Variants in PRPF18 observed in about 807,000 individuals in gnomAD.
PRPF18 encodes the protein pre-mRNA-splicing factor 18.
A neutral mutation model predicts 46.5 loss-of-function variants in PRPF18; 38 were observed. The ratio of observed to expected loss-of-function variants is 0.82; its 90% confidence interval spans 0.63 to 1.07. The LOEUF is 1.07. PRPF18 is among the 50% of genes least tolerant of loss of function. PRPF18 has a pLI of 0.00. For missense variants in PRPF18, 263 were observed against 410.0 expected (o/e 0.64, Z 3.10); for synonymous variants, 152 against 146.7 (o/e 1.04, Z -0.26).
At chr10:13,628,904 C>G (rs1269570960) in intron 9 of PRPF18, among the ~76,000 whole-genome samples, 1 of 152,166 alleles carries the variant, frequency 6.6e-6, no homozygotes, top group Non-Finnish European at 1.5e-5. Flanking sequence ...TCTCAGGTCT[C>G]TGCCCTTGCC....
chr10:13,615,141 G>T (rs1051591524), intron 8 of PRPF18, among the ~76,000 whole-genome samples: 7 of 152,334 alleles, frequency 4.6e-5, no homozygotes, highest in Admixed American at 4.6e-4. Flanking sequence ...TCAGTTGCAT[G>T]ATTCTTACTA....
At chr10:13,615,149 C>T (rs890304924) in intron 8 of PRPF18, among the ~76,000 whole-genome samples, 3 of 152,204 alleles carry the variant, frequency 2.0e-5, no homozygotes, top group African/African-American at 7.2e-5. Flanking sequence ...ATGATTCTTA[C>T]TAAGGATGGT....
chr10:13,623,521 T>C (rs2080451174), intron 9 of PRPF18, among the ~76,000 whole-genome samples: 1 of 152,244 alleles, frequency 6.6e-6, no homozygotes, highest in Admixed American at 6.5e-5. Context: ...ATTTGTGCTT[T>C]CCTCTTTAAG....
Position 13,630,540 on chromosome 10 carries a change from G to T in PRPF18, c.*200G>T. On this transcript the variant is annotated 3_prime_UTR_variant, in exon 10 of 10. Coordinates refer to ENST00000378572, the MANE Select transcript of PRPF18 (RefSeq NM_003675.4). ...GACTGCAAGCTGATTTTTCTTTCTTGCTTTCATTTTAATTAGTCCAAAATT... is the reference window on the plus strand; with the variant it reads ...GACTGCAAGCTGATTTTTCTTTCTTTCTTTCATTTTAATTAGTCCAAAATT... 2.7e-6 allele frequency: 1 copy of T among 371,020 alleles called. No individual in the cohort carries two copies. 23.0% of individuals were successfully genotyped at this position (371,020 alleles called of 1,614,324 possible).
chr10:13,628,927 C>T (rs1042384639), intron 9 of PRPF18, among the ~76,000 whole-genome samples: 3 of 152,086 alleles, frequency 2.0e-5, no homozygotes, highest in Admixed American at 6.6e-5. Flanking sequence ...GGCCTGTTTG[C>T]GCACGGTATT....
At chr10:13,654,207 C>CACAG in the PRPF18 span, 1 of 597,272 alleles carries the variant, frequency 1.7e-6, no homozygotes, top group Non-Finnish European at 3.0e-6. Context: ...TTTAAGAGAA[C>CACAG]ACAGACAATT....
At chr10:13,590,781 T>C (rs2079949943) in intron 1 of PRPF18, among the ~76,000 whole-genome samples, 1 of 152,180 alleles carries the variant, frequency 6.6e-6, no homozygotes, top group Non-Finnish European at 1.5e-5. Flanking sequence ...TATAGGATTA[T>C]GCAGCTAGCA....
chr10:13,652,680 C>T, the PRPF18 span, among the ~76,000 whole-genome samples: 19 of 152,186 alleles, frequency 1.2e-4, no homozygotes, highest in African/African-American at 4.1e-4. Context: ...CACAGGAACA[C>T]CGAGCTGGGG....
At chr10:13,636,094 G>T in the PRPF18 span, among the ~76,000 whole-genome samples, 1 of 152,174 alleles carries the variant, frequency 6.6e-6, no homozygotes, top group African/African-American at 2.4e-5. Context: ...ATTAAACAAG[G>T]TATTACAAAA....
intron 1 of PRPF18, among the ~76,000 whole-genome samples, chr10:13,593,160 T>A (rs906633325): frequency 6.6e-6 from 1 of 152,094 alleles, no homozygotes; most frequent in African/African-American, 2.4e-5. Context: ...TGGGAGACAT[T>A]GGAAAATAAA....
At chr10:13,646,967 C>T in the PRPF18 span, 1 of 984,360 alleles carries the variant, frequency 1.0e-6, no homozygotes, top group Non-Finnish European at 1.2e-6. Context: ...TTTTTCCTGC[C>T]CGTACCACTG....
At chr10:13,652,993 A>C in the PRPF18 span, 3 of 151,766 alleles carry the variant, frequency 2.0e-5, no homozygotes, top group East Asian at 5.8e-4. Flanking sequence ...AGCTCCCTCC[A>C]GCTGTCAGAC....
chr10:13,620,519 G>A (rs2080407105), intron 9 of PRPF18, among the ~76,000 whole-genome samples: 1 of 152,234 alleles, frequency 6.6e-6, no homozygotes, highest in East Asian at 1.9e-4. Flanking sequence ...TGTATATCAA[G>A]CTGTAAAACA....
chr10:13,640,298 AGTT>A, the PRPF18 span: 2 of 151,946 alleles, frequency 1.3e-5, no homozygotes, highest in African/African-American at 2.4e-5. Flanking sequence ...ATCTGTTGAC[AGTT>A]GTTTGTTCAA....
At chr10:13,626,241 C>G (rs1420624447) in intron 9 of PRPF18, among the ~76,000 whole-genome samples, 3 of 152,108 alleles carry the variant, frequency 2.0e-5, no homozygotes, top group African/African-American at 7.2e-5. Context: ...GGTAGCAGTA[C>G]AAGTGGGTCC....
intron 2 of PRPF18, among the ~76,000 whole-genome samples, chr10:13,598,627 T>G (rs1480489314): frequency 6.6e-6 from 1 of 152,234 alleles, no homozygotes; most frequent in Non-Finnish European, 1.5e-5. Flanking sequence ...TGGGAAAGTT[T>G]AAACTTGTAT....
At position 13,630,584 on chromosome 10, in the gene PRPF18, C is replaced by G. The variant is rs1039013241; in HGVS notation, c.*244C>G. ...CAAAATTAAGTTTTAAAGATTTTTC[C>G]TCACAATTTAAATCCATAGACAACA... On this transcript the variant is annotated 3_prime_UTR_variant, in exon 10 of 10. Coordinates refer to ENST00000378572, the MANE Select transcript of PRPF18 (RefSeq NM_003675.4). The G allele has an allele frequency of 4.3e-5, 12 of 281,020 alleles. No homozygotes were observed. The highest frequency in any genetic ancestry group is 2.6e-4 in the African/African-American group (12 of 45,572). The allele number at this position is 281,020 out of a possible 1,614,324, so 17.4% of individuals were successfully genotyped here.
At chr10:13,598,452 T>C (rs2080064439) in intron 2 of PRPF18, among the ~76,000 whole-genome samples, 2 of 152,200 alleles carry the variant, frequency 1.3e-5, no homozygotes, top group Admixed American at 1.3e-4. Context: ...ATAGCATTTT[T>C]AGAAGGAAGC....
At chr10:13,615,109 T>C (rs551403684) in intron 8 of PRPF18, among the ~76,000 whole-genome samples, 3 of 152,362 alleles carry the variant, frequency 2.0e-5, no homozygotes, top group Admixed American at 1.3e-4. Context: ...CTTACAGTTA[T>C]AAATGTGCTT....
Sources: allele counts gnomAD v4.1 joint callset (sites outside exome capture counted in the v4.1 genomes callset), GRCh38; gene constraint gnomAD v4.1.1; transcripts MANE v1.5; gene names NCBI Gene and HGNC (gene_info 2026-07-23, HGNC 2026-07-21).